The following RBFOX1 variants were observed in gnomAD, a reference collection of about 807,000 sequenced individuals.
RBFOX1 encodes the protein RNA binding fox-1 homolog 1, also known as RNA binding protein fox-1 homolog 1.
A neutral mutation model predicts 57.7 loss-of-function variants in RBFOX1; 8 were observed. The observed-to-expected ratio is 0.14, with a 90% CI of 0.08 to 0.25. RBFOX1 has a LOEUF of 0.25. Ranked by LOEUF, RBFOX1 falls within the 10% of genes least tolerant of loss-of-function variation. The pLI, the probability that RBFOX1 is intolerant of heterozygous loss-of-function variation, is 1.00. For missense variants in RBFOX1, 611 were observed against 548.5 expected, an observed-to-expected ratio of 1.11 and a Z score of -1.14; for synonymous variants, 326 against 222.4, an observed-to-expected ratio of 1.47 and a Z score of -4.15.
At chr16:5,351,292 T>A (rs1228026203) in intron 1 of RBFOX1, among the ~76,000 whole-genome samples, 1 of 152,242 alleles carries the variant, frequency 6.6e-6, no homozygotes, top group Non-Finnish European at 1.5e-5. Context: ...TGCCAGGGCT[T>A]TGACATACAT....
intron 4 of RBFOX1, among the ~76,000 whole-genome samples, chr16:5,894,765 T>C (rs373823435): frequency 4.6e-5 from 7 of 151,794 alleles, no homozygotes; most frequent in Admixed American, 3.3e-4. Context: ...CTCACGCCTG[T>C]AATCCCAGCA....
chr16:7,281,784 G>C (rs1008032135), intron 4 of RBFOX1, among the ~76,000 whole-genome samples: 2 of 152,128 alleles, frequency 1.3e-5, no homozygotes, highest in African/African-American at 4.8e-5. Context: ...AGACAATCTT[G>C]ACTTCCTCTC....
chr16:7,217,697 G>T (rs1173765054), intron 4 of RBFOX1, among the ~76,000 whole-genome samples: 1 of 151,976 alleles, frequency 6.6e-6, no homozygotes, highest in Non-Finnish European at 1.5e-5. Context: ...TTTTGGTGAA[G>T]AGTCACCATT....
At chr16:6,042,143 A>G (rs2095443780) in intron 1 of RBFOX1, among the ~76,000 whole-genome samples, 1 of 147,134 alleles carries the variant, frequency 6.8e-6, no homozygotes, top group Non-Finnish European at 1.5e-5. Context: ...CACTGTCGCC[A>G]GAGCTGGAGT....
At chr16:6,537,252 G>A (rs546878076) in intron 2 of RBFOX1, among the ~76,000 whole-genome samples, 22 of 152,172 alleles carry the variant, frequency 1.4e-4, no homozygotes, top group South Asian at 8.3e-4. Flanking sequence ...ATGCCGGTTC[G>A]TGCACCAGAA....
chr16:6,894,904 C>T (rs2066387567), intron 3 of RBFOX1, among the ~76,000 whole-genome samples: 1 of 152,144 alleles, frequency 6.6e-6, no homozygotes, highest in African/African-American at 2.4e-5. Context: ...GTGGCTTTCT[C>T]AGCTAAAATT....
At chr16:5,321,497 T>A (rs1041096713) in intron 1 of RBFOX1, among the ~76,000 whole-genome samples, 1 of 152,134 alleles carries the variant, frequency 6.6e-6, no homozygotes, top group African/African-American at 2.4e-5. Context: ...TTTTTTTGTA[T>A]TTTTAGTAGA....
intron 4 of RBFOX1, among the ~76,000 whole-genome samples, chr16:7,067,799 C>G (rs2056449607): frequency 6.7e-6 from 1 of 148,954 alleles, no homozygotes; most frequent in Admixed American, 6.8e-5. Context: ...GATTTTTTGT[C>G]CTTGCGATAG....
chr16:6,600,774 T>C (rs904660147), intron 2 of RBFOX1, among the ~76,000 whole-genome samples: 2 of 152,048 alleles, frequency 1.3e-5, no homozygotes, highest in African/African-American at 4.8e-5. Flanking sequence ...CAAGATTATA[T>C]CCTTTTATGT....
chr16:7,674,718 C>T (rs535236691), intron 13 of RBFOX1, among the ~76,000 whole-genome samples: 10 of 152,276 alleles, frequency 6.6e-5, no homozygotes, highest in East Asian at 1.9e-4. Context: ...TGCTGTGCAG[C>T]GGAATCCCAG....
At chr16:6,986,481 G>C (rs535901159) in intron 3 of RBFOX1, among the ~76,000 whole-genome samples, 5 of 152,266 alleles carry the variant, frequency 3.3e-5, no homozygotes, top group South Asian at 2.1e-4. Context: ...TTACAGGCGT[G>C]AGCCACCACG....
At chr16:7,660,287 G>A (rs1047884611) in intron 12 of RBFOX1, among the ~76,000 whole-genome samples, 1 of 152,110 alleles carries the variant, frequency 6.6e-6, no homozygotes, top group Admixed American at 6.5e-5. Flanking sequence ...ATTGAGTCCC[G>A]ATGTGATTGA....
At chr16:6,229,792 T>C (rs1298387658) in intron 1 of RBFOX1, among the ~76,000 whole-genome samples, 4 of 152,150 alleles carry the variant, frequency 2.6e-5, no homozygotes, top group Admixed American at 2.0e-4. Flanking sequence ...AATGAATAGT[T>C]ATAAATATAG....
In RBFOX1 at chr16:6,231,850, T is replaced by G. The variant is rs1415495695; in HGVS notation, c.-126-85145T>G. Among the ~76,000 whole-genome samples, 3 of 110,006 alleles carry G rather than the reference T, an allele frequency of 2.7e-5. No individual in the cohort carries two copies. The East Asian group carries it at 8.8e-4, about 32-fold the overall frequency. 72.2% of individuals were successfully genotyped at this position (110,006 alleles called of 152,430 possible). ...TTTCCAGTTTTTTTTTTTTTTTTTT[T>G]TTGTCCTGGTATTTTAAAAATGCAG... On this transcript the variant is annotated intron_variant, in intron 1 of 15. Coordinates refer to ENST00000550418, the MANE Select transcript of RBFOX1 (RefSeq NM_018723.4).
chr16:6,854,538 A>G (rs946603326), intron 3 of RBFOX1, among the ~76,000 whole-genome samples: 3 of 150,588 alleles, frequency 2.0e-5, no homozygotes, highest in Non-Finnish European at 4.4e-5. Context: ...CTGGCCAACG[A>G]CATCTTCTGA....
At chr16:7,119,685 A>C (rs528057376) in intron 4 of RBFOX1, among the ~76,000 whole-genome samples, 72 of 152,266 alleles carry the variant, frequency 4.7e-4, no homozygotes, top group African/African-American at 1.7e-3. Flanking sequence ...ATGATTATTT[A>C]TGCACAAACT....
chr16:7,247,228 G>C (rs1010038258), intron 4 of RBFOX1, among the ~76,000 whole-genome samples: 4 of 152,168 alleles, frequency 2.6e-5, no homozygotes, highest in African/African-American at 9.7e-5. Context: ...AGAAGTGCAA[G>C]AGAAACTTCT....
chr16:5,849,823 T>C (rs2056848567), intron 3 of RBFOX1, among the ~76,000 whole-genome samples: 1 of 152,206 alleles, frequency 6.6e-6, no homozygotes, highest in Non-Finnish European at 1.5e-5. Flanking sequence ...CTGTCATTTG[T>C]TCCCAAGAAG....
chr16:7,159,594 T>C (rs780578412), intron 4 of RBFOX1, among the ~76,000 whole-genome samples: 28 of 152,196 alleles, frequency 1.8e-4, no homozygotes, highest in Non-Finnish European at 3.4e-4. Flanking sequence ...GTGATCTCTC[T>C]ACTCCGCTAT....
Sources: allele counts gnomAD v4.1 joint callset (sites outside exome capture counted in the v4.1 genomes callset), GRCh38; gene constraint gnomAD v4.1.1; transcripts MANE v1.5; gene names NCBI Gene and HGNC (gene_info 2026-07-23, HGNC 2026-07-21).